The following EDIL3 variants were observed in gnomAD, a reference collection of about 807,000 sequenced individuals.
EDIL3 encodes EGF-like repeat and discoidin I-like domain-containing protein 3.
A neutral mutation model predicts 67.4 loss-of-function variants in EDIL3; 37 were observed. That is an observed-to-expected ratio of 0.55 (90% CI 0.42 to 0.72). The LOEUF (loss-of-function observed/expected upper bound fraction) is 0.72. EDIL3 is among the 30% of genes least tolerant of loss of function. The pLI is 0.00. For synonymous variants in EDIL3, 195 were observed against 196.3 expected, an observed-to-expected ratio of 0.99 and a Z score of 0.05; for missense variants, 527 against 586.3, an observed-to-expected ratio of 0.90 and a Z score of 1.04.
intron 2 of EDIL3, among the ~76,000 whole-genome samples, chr5:84,239,133 C>CTCATT (rs1179653931): frequency 1.3e-5 from 2 of 152,130 alleles, no homozygotes; most frequent in Non-Finnish European, 2.9e-5. Flanking sequence ...TTTGACAGGC[C>CTCATT]AGTCATTCAA....
chr5:84,076,394 C>G (rs1011291483), intron 6 of EDIL3, among the ~76,000 whole-genome samples: 1 of 152,016 alleles, frequency 6.6e-6, no homozygotes, highest in Non-Finnish European at 1.5e-5. Context: ...ATTTTAGATG[C>G]TTTGTGGAAT....
At chr5:84,087,900 T>C (rs1747100393) in intron 6 of EDIL3, among the ~76,000 whole-genome samples, 3 of 152,146 alleles carry the variant, frequency 2.0e-5, no homozygotes, top group Non-Finnish European at 1.5e-5. Flanking sequence ...AATTCATTAA[T>C]TTAAATGAAG....
intron 4 of EDIL3, among the ~76,000 whole-genome samples, chr5:84,160,401 A>C (rs1197710394): frequency 6.6e-6 from 1 of 152,130 alleles, no homozygotes; most frequent in Non-Finnish European, 1.5e-5. Flanking sequence ...TTAAGCATAA[A>C]ACCATGTTCA....
At chr5:84,355,389 T>G (rs1015913153) in intron 1 of EDIL3, among the ~76,000 whole-genome samples, 1 of 152,066 alleles carries the variant, frequency 6.6e-6, no homozygotes, top group African/African-American at 2.4e-5. Context: ...TCCTCTAACC[T>G]TTTTTAAAGG....
chr5:84,169,825 C>T (rs992510399), intron 4 of EDIL3, among the ~76,000 whole-genome samples: 1 of 152,016 alleles, frequency 6.6e-6, no homozygotes, highest in Non-Finnish European at 1.5e-5. Flanking sequence ...AGATTTCAGG[C>T]ATTACAAATA....
intron 1 of EDIL3, among the ~76,000 whole-genome samples, chr5:84,345,902 C>G (rs754702582): frequency 2.6e-5 from 4 of 152,116 alleles, no homozygotes; most frequent in Non-Finnish European, 5.9e-5. Flanking sequence ...GGGAGACTCT[C>G]ACTCAGTAGA....
chr5:84,267,690 T>C (rs1430541407), intron 1 of EDIL3, among the ~76,000 whole-genome samples: 4 of 152,290 alleles, frequency 2.6e-5, no homozygotes, highest in Non-Finnish European at 5.9e-5. Flanking sequence ...AGGGATTTCA[T>C]ACATACATTT....
chr5:84,075,925 C>T (rs1051159275), intron 6 of EDIL3, among the ~76,000 whole-genome samples: 1 of 143,282 alleles, frequency 7.0e-6, no homozygotes. Flanking sequence ...CACAGACACA[C>T]ACTCACGTGC....
intron 4 of EDIL3, among the ~76,000 whole-genome samples, chr5:84,174,098 G>A (rs1019078601): frequency 6.6e-6 from 1 of 152,184 alleles, no homozygotes; most frequent in African/African-American, 2.4e-5. Flanking sequence ...GGCATGGCAT[G>A]CTAGCAGGAA....
At position 84,229,944 on chromosome 5, in the gene EDIL3, G is replaced by C. The variant is rs550439681; in HGVS notation, c.197-60C>G. 11 of 1,399,926 alleles carry C rather than the reference G, an allele frequency of 7.9e-6. No homozygotes were observed. The East Asian group carries it at 2.3e-4, about 30-fold the overall frequency. 86.7% of individuals were successfully genotyped at this position (1,399,926 alleles called of 1,614,324 possible). On this transcript the variant is annotated intron_variant, in intron 2 of 10. Coordinates refer to ENST00000296591, the MANE Select transcript of EDIL3 (RefSeq NM_005711.5). ...GTAGAAGTGAAGGGAGGGAGAAGGG[G>C]GGAGAGAGAAAGAAAGAGAAAAAGA...
chr5:84,220,619 T>G (rs1024752549), intron 3 of EDIL3, among the ~76,000 whole-genome samples: 6 of 152,186 alleles, frequency 3.9e-5, no homozygotes, highest in African/African-American at 1.2e-4. Context: ...GGTGACCTAG[T>G]ATGCATTTCT....
At chr5:84,083,297 T>G (rs2112260420) in intron 6 of EDIL3, among the ~76,000 whole-genome samples, 1 of 152,202 alleles carries the variant, frequency 6.6e-6, no homozygotes, top group South Asian at 2.1e-4. Flanking sequence ...GGTGGTGCTA[T>G]GAGCATGCTG....
chr5:84,128,313 G>A (rs932230203), intron 5 of EDIL3, among the ~76,000 whole-genome samples: 14 of 152,038 alleles, frequency 9.2e-5, no homozygotes, highest in African/African-American at 3.1e-4. Context: ...TGAGAAAGGC[G>A]TTTGTCTCTG....
rs1257728881 is a variant in EDIL3 at position 84,191,914 on chromosome 5, A to G, written c.227-11393T>C. On this transcript the variant is annotated intron_variant, in intron 3 of 10. Transcript: ENST00000296591. ...ATCAATTTACATAGACAAACTAAAT[A>G]AGAATTTTAAAACTAAGAAAATATG... Among the ~76,000 whole-genome samples the G allele has an allele frequency of 2.0e-5, 3 of 152,032 alleles. No homozygotes were observed. In the East Asian group the frequency reaches 5.8e-4, roughly 29 times the overall value.
At chr5:84,155,588 T>C (rs1748476926) in intron 4 of EDIL3, among the ~76,000 whole-genome samples, 1 of 152,228 alleles carries the variant, frequency 6.6e-6, no homozygotes, top group Non-Finnish European at 1.5e-5. Context: ...AAATCCATTC[T>C]CCATGTTCGT....
Position 84,324,769 on chromosome 5 carries a change from T to C in EDIL3, c.67+59539A>G, listed in dbSNP as rs142829037. 4.6e-5 allele frequency among the ~76,000 whole-genome samples: 7 copies of C among 151,868 alleles called. No individual in the cohort carries two copies. The East Asian group carries it at 1.2e-3, about 25-fold the overall frequency. On this transcript the variant is annotated intron_variant, in intron 1 of 10. Transcript: ENST00000296591. ...AGAAATAATAAAGCTTATGAGACTA[T>C]AGTTAAGAATTCTACATCGACAAAT...
intron 3 of EDIL3, among the ~76,000 whole-genome samples, chr5:84,194,697 C>T (rs1743664826): frequency 1.3e-5 from 2 of 151,936 alleles, no homozygotes; most frequent in African/African-American, 4.8e-5. Context: ...ATCTTTATTT[C>T]TACTTTTCCA....
At chr5:84,022,125 G>T (rs965559212) in intron 9 of EDIL3, among the ~76,000 whole-genome samples, 2 of 151,606 alleles carry the variant, frequency 1.3e-5, no homozygotes, top group Non-Finnish European at 2.9e-5. Context: ...GAAAACTATA[G>T]GCCCAAATTC....
chr5:84,319,129 C>T (rs1205216391), intron 1 of EDIL3, among the ~76,000 whole-genome samples: 5 of 151,444 alleles, frequency 3.3e-5, no homozygotes, highest in South Asian at 2.1e-4. Flanking sequence ...GCTAGAATGG[C>T]GATCATTAAA....
Sources: allele counts gnomAD v4.1 joint callset (sites outside exome capture counted in the v4.1 genomes callset), GRCh38; gene constraint gnomAD v4.1.1; transcripts MANE v1.5; gene names NCBI Gene and HGNC (gene_info 2026-07-23, HGNC 2026-07-21).